Variants in ZNF366 observed in about 807,000 individuals in gnomAD.
The protein encoded by ZNF366 is zinc finger protein 366.
In ZNF366, 20 loss-of-function variants were observed where a neutral mutation model predicts 47.2. The ratio of observed to expected loss-of-function variants is 0.42; its 90% CI spans 0.30 to 0.62. ZNF366 has a LOEUF of 0.62. ZNF366 is among the 20% of genes least tolerant of loss of function. The pLI is 0.16. For missense variants in ZNF366, 987 were observed against 976.3 expected (o/e 1.01, Z -0.15); for synonymous variants, 421 against 395.1 (o/e 1.07, Z -0.78).
chr5:72,495,826 C>A (rs1410394939), intron 1 of ZNF366, among the ~76,000 whole-genome samples: 5 of 152,120 alleles, frequency 3.3e-5, no homozygotes, highest in Non-Finnish European at 5.9e-5. Context: ...TGGGTCTCAA[C>A]CACCCCACCC....
At chr5:72,504,994 A>G (rs1744292843) in intron 1 of ZNF366, among the ~76,000 whole-genome samples, 1 of 152,192 alleles carries the variant, frequency 6.6e-6, no homozygotes, top group South Asian at 2.1e-4. Context: ...TGCTCTACTC[A>G]CTCTAATTTG....
intron 3 of ZNF366, among the ~76,000 whole-genome samples, chr5:72,448,298 C>T (rs1401642083): frequency 5.9e-5 from 9 of 152,006 alleles, no homozygotes; most frequent in African/African-American, 1.7e-4. Context: ...CTTTCTTTCT[C>T]GTCATTCTCT....
chr5:72,501,928 C>T (rs1744218110), intron 1 of ZNF366, among the ~76,000 whole-genome samples: 1 of 152,184 alleles, frequency 6.6e-6, no homozygotes, highest in Non-Finnish European at 1.5e-5. Context: ...GTAGCAGCCC[C>T]ATGCACACAA....
intron 1 of ZNF366, among the ~76,000 whole-genome samples, chr5:72,504,416 A>T (rs1744280727): frequency 6.6e-6 from 1 of 152,182 alleles, no homozygotes; most frequent in Non-Finnish European, 1.5e-5. Flanking sequence ...CTCTCTTTGC[A>T]CGTTCATCTA....
Position 72,460,558 on chromosome 5 carries a change from C to A in ZNF366, c.939G>T (p.Val313=). 1 of 1,614,122 alleles carries A rather than the reference C, an allele frequency of 6.2e-7. No individual in the cohort carries two copies. The highest frequency in any genetic ancestry group is 8.5e-7 in the Non-Finnish European group (1 of 1,180,036). ...HQGTRPHKCQ[V]CHKAFTQTSH... ...TGGTCTGGGTGAAGGCCTTGTGGCA[C>A]ACCTGGCACTTGTGGGGCCGCGTGC... Residue 313 remains valine, a synonymous_variant, in exon 2 of 5, where the codon GTG becomes GTT. Transcript: ENST00000318442.
At chr5:72,485,392 T>G (rs1216188838) in intron 1 of ZNF366, among the ~76,000 whole-genome samples, 1 of 152,186 alleles carries the variant, frequency 6.6e-6, no homozygotes, top group Admixed American at 6.5e-5. Context: ...GCTGTGTCCC[T>G]TCCTTCTTTA....
intron 1 of ZNF366, among the ~76,000 whole-genome samples, chr5:72,494,616 T>C (rs1466684197): frequency 1.3e-5 from 2 of 151,820 alleles, no homozygotes; most frequent in Non-Finnish European, 2.9e-5. Context: ...TTTTTTTTTT[T>C]TTTTTTTTGG....
chr5:72,476,308 C>T (rs1743674566), intron 1 of ZNF366, among the ~76,000 whole-genome samples: 1 of 152,072 alleles, frequency 6.6e-6, no homozygotes, highest in Non-Finnish European at 1.5e-5. Context: ...CTCAGGATCT[C>T]TTGGGTGGGA....
At chr5:72,482,746 T>TTG (rs3041122) in intron 1 of ZNF366, among the ~76,000 whole-genome samples, 42,622 of 140,806 alleles carry the variant, frequency 0.3, 6,417 homozygotes, top group African/African-American at 0.38. Context: ...CATTTCTATT[T>TTG]TGTGTGTGTG....
intron 1 of ZNF366, among the ~76,000 whole-genome samples, chr5:72,461,957 T>C (rs1199723882): frequency 2.0e-5 from 3 of 152,228 alleles, no homozygotes; most frequent in African/African-American, 7.2e-5. Flanking sequence ...AGCTTTTCAA[T>C]CTGAGTTGTA....
intron 1 of ZNF366, among the ~76,000 whole-genome samples, chr5:72,462,547 C>CTTTCTTTCTTTCT (rs11275151): frequency 0.069 from 5,407 of 78,746 alleles, 297 homozygotes; most frequent in East Asian, 0.13. Context: ...TTCTTTCTTT[C>CTTTCTTTCTTTCT]TTTTTTTTTT....
chr5:72,453,465 C>T (rs1743116598), intron 3 of ZNF366, among the ~76,000 whole-genome samples: 1 of 152,228 alleles, frequency 6.6e-6, no homozygotes, highest in African/African-American at 2.4e-5. Context: ...TTGCAATGGG[C>T]AAATGGCCCT....
At chr5:72,485,127 T>C (rs1005468131) in intron 1 of ZNF366, among the ~76,000 whole-genome samples, 1 of 152,328 alleles carries the variant, frequency 6.6e-6, no homozygotes, top group South Asian at 2.1e-4. Flanking sequence ...CATTAAAAAA[T>C]GTTTAGTAAT....
At chr5:72,448,584 A>C (rs566954297) in intron 3 of ZNF366, among the ~76,000 whole-genome samples, 3 of 152,056 alleles carry the variant, frequency 2.0e-5, no homozygotes, top group Non-Finnish European at 2.9e-5. Flanking sequence ...TCCCTCCCCA[A>C]CCTCAGAGGC....
chr5:72,470,490 A>G (rs1743538765), intron 1 of ZNF366, among the ~76,000 whole-genome samples: 1 of 152,200 alleles, frequency 6.6e-6, no homozygotes, highest in South Asian at 2.1e-4. Flanking sequence ...AGCCTATCAC[A>G]ATTGTTGGAT....
At position 72,469,907 on chromosome 5, in the gene ZNF366, T is replaced by C. The variant is rs1220585766; in HGVS notation, c.-14-8397A>G. Among the ~76,000 whole-genome samples the C allele has an allele frequency of 3.3e-5, 5 of 152,178 alleles. No individual in the cohort carries two copies. In the South Asian group the frequency reaches 6.2e-4, roughly 19 times the overall value. On this transcript the variant is annotated intron_variant, in intron 1 of 4. Coordinates refer to ENST00000318442, the MANE Select transcript of ZNF366 (RefSeq NM_152625.3). ...CAACAACAAAAAACTTAGCCAGGTA[T>C]GGTGGTATGGGCCTGCCTTCCCAGC...
chr5:72,473,854 T>C (rs1301133410), intron 1 of ZNF366, among the ~76,000 whole-genome samples: 1 of 152,234 alleles, frequency 6.6e-6, no homozygotes, highest in Non-Finnish European at 1.5e-5. Context: ...TCATTGCACC[T>C]TGCACTGTAC....
At chr5:72,462,061 T>G (rs1314910670) in intron 1 of ZNF366, among the ~76,000 whole-genome samples, 1 of 152,192 alleles carries the variant, frequency 6.6e-6, no homozygotes, top group African/African-American at 2.4e-5. Context: ...TGCTTGGGCC[T>G]TTGCTGCTGG....
At chr5:72,489,891 C>A (rs1021666618) in intron 1 of ZNF366, among the ~76,000 whole-genome samples, 2 of 152,248 alleles carry the variant, frequency 1.3e-5, no homozygotes, top group African/African-American at 4.8e-5. Context: ...CTCCACAATG[C>A]AGCAGCATCA....
Sources: allele counts gnomAD v4.1 joint callset (sites outside exome capture counted in the v4.1 genomes callset), GRCh38; gene constraint gnomAD v4.1.1; transcripts MANE v1.5; gene names NCBI Gene and HGNC (gene_info 2026-07-23, HGNC 2026-07-21).